CLYBL: variants seen among roughly 807,000 people sequenced by gnomAD.
CLYBL encodes the protein citramalyl-CoA lyase, mitochondrial.
CLYBL carries 31 observed loss-of-function variants against 38.9 expected under a neutral mutation model. That is an observed-to-expected ratio of 0.80 (90% CI 0.60 to 1.08). The LOEUF (loss-of-function observed/expected upper bound fraction) is 1.08. CLYBL is among the 50% of genes least tolerant of loss of function. CLYBL has a pLI of 0.00. For synonymous variants in CLYBL, 171 were observed against 158.6 expected (o/e 1.08, Z -0.59); for missense variants, 434 against 411.6 (o/e 1.05, Z -0.47).
At chr13:99,769,981 T>C (rs932094792) in intron 1 of CLYBL, among the ~76,000 whole-genome samples, 7 of 152,172 alleles carry the variant, frequency 4.6e-5, no homozygotes, top group Non-Finnish European at 7.3e-5. Flanking sequence ...CATGAAGATA[T>C]AGCTGACATA....
intron 1 of CLYBL, among the ~76,000 whole-genome samples, chr13:99,677,871 G>A (rs2047676920): frequency 6.6e-6 from 1 of 152,180 alleles, no homozygotes; most frequent in Non-Finnish European, 1.5e-5. Context: ...TGAGAGGAAA[G>A]CTATGGATAA....
intron 2 of CLYBL, among the ~76,000 whole-genome samples, chr13:99,800,492 T>A (rs1008461580): frequency 6.6e-6 from 1 of 152,202 alleles, no homozygotes; most frequent in Non-Finnish European, 1.5e-5. Flanking sequence ...CTGAGGATAC[T>A]GCTTGGGCCT....
downstream of CLYBL, chr13:99,894,254 G>C (rs2052542774): frequency 6.6e-6 from 1 of 152,334 alleles, no homozygotes; most frequent in Non-Finnish European, 1.5e-5. Context: ...GAGCAGTCAA[G>C]GGTGGGTGTG....
At chr13:99,729,741 A>C (rs1429936922) in intron 1 of CLYBL, among the ~76,000 whole-genome samples, 1 of 152,230 alleles carries the variant, frequency 6.6e-6, no homozygotes, top group African/African-American at 2.4e-5. Flanking sequence ...AGAAAGAGGA[A>C]GATGGAATCC....
intron 1 of CLYBL, among the ~76,000 whole-genome samples, chr13:99,658,622 G>T (rs2047365171): frequency 6.6e-6 from 1 of 152,154 alleles, no homozygotes; most frequent in Non-Finnish European, 1.5e-5. Flanking sequence ...GCGGGGCGGG[G>T]TGTGGACAGG....
intron 2 of CLYBL, among the ~76,000 whole-genome samples, chr13:99,787,236 C>A (rs1032214861): frequency 2.0e-5 from 3 of 152,020 alleles, no homozygotes; most frequent in African/African-American, 7.3e-5. Context: ...GCTTTTGTTG[C>A]CATTGTTTTT....
chr13:99,650,759 G>A, intron 1 of CLYBL, among the ~76,000 whole-genome samples: 1 of 151,890 alleles, frequency 6.6e-6, no homozygotes, highest in East Asian at 1.9e-4. Context: ...TTTTTTTCTG[G>A]GACTCTCCTC....
intron 1 of CLYBL, among the ~76,000 whole-genome samples, chr13:99,624,643 A>C (rs951457435): frequency 3.3e-5 from 5 of 152,064 alleles, no homozygotes; most frequent in African/African-American, 1.2e-4. Flanking sequence ...CAGAGGGGAA[A>C]CCTCAATGTC....
At chr13:99,740,423 G>T (rs905142334) in intron 1 of CLYBL, among the ~76,000 whole-genome samples, 1 of 152,206 alleles carries the variant, frequency 6.6e-6, no homozygotes, top group Non-Finnish European at 1.5e-5. Context: ...CTTGGATACA[G>T]TGAGTCTCAA....
At chr13:99,614,313 A>G (rs2046674209) in intron 1 of CLYBL, among the ~76,000 whole-genome samples, 2 of 152,154 alleles carry the variant, frequency 1.3e-5, no homozygotes, top group South Asian at 4.1e-4. Context: ...AAGAAGGGCC[A>G]CTGCTTAGAG....
chr13:99,879,183 A>G (rs961966008), intron 7 of CLYBL, among the ~76,000 whole-genome samples: 2 of 152,222 alleles, frequency 1.3e-5, no homozygotes, highest in African/African-American at 2.4e-5. Flanking sequence ...AACTCTTGGT[A>G]AAGTCCTGAA....
downstream of CLYBL, among the ~76,000 whole-genome samples, chr13:99,898,242 T>C (rs528605653): frequency 1.3e-5 from 2 of 152,298 alleles, no homozygotes; most frequent in East Asian, 3.9e-4. Flanking sequence ...ATTTCCTTCA[T>C]AATCAGACAC....
chr13:99,626,798 A>G (rs2046876092), intron 1 of CLYBL, among the ~76,000 whole-genome samples: 1 of 152,088 alleles, frequency 6.6e-6, no homozygotes, highest in African/African-American at 2.4e-5. Flanking sequence ...TAAGGTTTTC[A>G]AGTTCCAGTA....
At chr13:99,697,934 C>T (rs186945333) in intron 1 of CLYBL, among the ~76,000 whole-genome samples, 8 of 152,290 alleles carry the variant, frequency 5.3e-5, no homozygotes, top group African/African-American at 1.9e-4. Flanking sequence ...AGGCGTGAGC[C>T]ACCCCACCGG....
chr13:99,651,107 G>A lies in CLYBL; in HGVS notation c.62+44350G>A, dbSNP rs559567692. 6.2e-4 allele frequency among the ~76,000 whole-genome samples: 95 copies of A among 152,262 alleles called. 1 individual carries two copies. The highest frequency in any genetic ancestry group is 2.1e-3 in the African/African-American group (88 of 41,560). ...TGACTTAGCAGTCACCCACACTGCCGTGGGCCAGCAGACACCCTTCCTCTG... is the reference window on the plus strand; with the variant it reads ...TGACTTAGCAGTCACCCACACTGCCATGGGCCAGCAGACACCCTTCCTCTG... On this transcript the variant is annotated intron_variant, in intron 1 of 8. Transcript: ENST00000339105.
rs1282985820 is a variant in CLYBL at position 99,752,239 on chromosome 13, G to T, written c.63-20585G>T. Among the ~76,000 whole-genome samples, 3 of 152,170 alleles carry T rather than the reference G, an allele frequency of 2.0e-5. No homozygotes were observed. In the East Asian group the frequency reaches 5.8e-4, roughly 29 times the overall value. ...TAACCTTTTTAGCCCTCTGAGGACA[G>T]AGGCTAATGGAAACTTGTGGCCCTT... On this transcript the variant is annotated intron_variant, in intron 1 of 8. Transcript: ENST00000339105.
At chr13:99,706,503 T>C (rs903616246) in intron 1 of CLYBL, among the ~76,000 whole-genome samples, 1 of 152,228 alleles carries the variant, frequency 6.6e-6, no homozygotes, top group Non-Finnish European at 1.5e-5. Context: ...CTCGTAATTT[T>C]GGATTATCGG....
intron 2 of CLYBL, among the ~76,000 whole-genome samples, chr13:99,807,830 A>G (rs2050262122): frequency 6.6e-6 from 1 of 152,222 alleles, no homozygotes; most frequent in Non-Finnish European, 1.5e-5. Context: ...TTTTTTAAAA[A>G]GGAAAAAGAA....
intron 1 of CLYBL, among the ~76,000 whole-genome samples, chr13:99,637,961 C>CT (rs1566595642): frequency 1.1e-4 from 6 of 53,688 alleles, no homozygotes; most frequent in African/African-American, 4.9e-4. Flanking sequence ...GTCAACAGTG[C>CT]CTTTTTTTTT....
Sources: gnomAD v4.1 joint callset for allele counts (sites outside exome capture counted in the v4.1 genomes callset) on GRCh38, gnomAD v4.1.1 for gene constraint, MANE v1.5 for transcripts, NCBI Gene and HGNC (gene_info 2026-07-23, HGNC 2026-07-21) for gene names.